The following ELP4 variants were observed in gnomAD, a reference collection of about 807,000 sequenced individuals.
ELP4 encodes the protein elongator complex protein 4.
In ELP4, 51 loss-of-function variants were observed where a neutral mutation model predicts 48.9. The observed-to-expected ratio is 1.04, with a 90% confidence interval of 0.83 to 1.32. The LOEUF is 1.32. Among genes scored for constraint, ELP4 ranks in the 40% most tolerant of loss-of-function variants. ELP4 has a pLI of 0.00. For synonymous variants in ELP4, 210 were observed against 189.2 expected, an observed-to-expected ratio of 1.11 and a Z score of -0.90; for missense variants, 519 against 514.6, an observed-to-expected ratio of 1.01 and a Z score of -0.08.
chr11:31,778,848 T>G (rs1262630853), intron 9 of ELP4, among the ~76,000 whole-genome samples: 1 of 152,126 alleles, frequency 6.6e-6, no homozygotes, highest in Non-Finnish European at 1.5e-5. Flanking sequence ...GTTTTTTGTT[T>G]TTGTTTGTTT....
intron 9 of ELP4, among the ~76,000 whole-genome samples, chr11:31,778,876 C>A (rs1948305831): frequency 6.6e-6 from 1 of 152,040 alleles, no homozygotes; most frequent in African/African-American, 2.4e-5. Context: ...GAGACAGTTA[C>A]TAAAGTTTTA....
chr11:31,650,022 G>A, intron 8 of ELP4, 93 bp from the exon 9 acceptor site: 1 of 527,288 alleles, frequency 1.9e-6, no homozygotes, highest in South Asian at 3.3e-5. Context: ...ATGCTTGTGT[G>A]TAAATTTACA....
In ELP4 at chr11:31,783,533, C is replaced by T. The variant is rs1266215540; in HGVS notation, c.*9C>T. ...AGCACCTGGACTTCTAGGGATTCCT[C>T]CTTAGTCGCTGCATGCAGAATTCTA... On this transcript the variant is annotated 3_prime_UTR_variant, in exon 10 of 10. Transcript: ENST00000640961. 1 of 1,612,318 alleles carries T rather than the reference C, an allele frequency of 6.2e-7. No individual in the cohort carries two copies. Among genetic ancestry groups the T allele is most frequent in the Non-Finnish European group, 8.5e-7 (1 of 1,179,202 alleles).
chr11:31,619,243 G>A (rs1944563434), intron 5 of ELP4, among the ~76,000 whole-genome samples: 1 of 151,916 alleles, frequency 6.6e-6, no homozygotes, highest in African/African-American at 2.4e-5. Flanking sequence ...ATATTTTATG[G>A]TATGAGGCCC....
Position 31,746,364 on chromosome 11 carries a change from T to C in ELP4, c.1144-37029T>C, listed in dbSNP as rs552356845. Among the ~76,000 whole-genome samples, 15 of 152,304 alleles carry C rather than the reference T, an allele frequency of 9.8e-5. No homozygotes were observed. The South Asian group carries it at 3.1e-3, about 32-fold the overall frequency. Reference sequence around the variant, plus strand: ...ACGGATCTAGAACTAGAAATACCATTTGACCCAGCCATCCCATTACTGGGT... The same window carrying C: ...ACGGATCTAGAACTAGAAATACCATCTGACCCAGCCATCCCATTACTGGGT... On this transcript the variant is annotated intron_variant, in intron 9 of 9. Transcript: ENST00000640961.
At chr11:31,565,532 T>C (rs1195658589) in intron 3 of ELP4, among the ~76,000 whole-genome samples, 1 of 147,536 alleles carries the variant, frequency 6.8e-6, no homozygotes, top group Non-Finnish European at 1.5e-5. Flanking sequence ...CTTTAATCCA[T>C]CTTGAATTAA....
intron 3 of ELP4, among the ~76,000 whole-genome samples, chr11:31,549,756 G>T (rs191293032): frequency 4.1e-4 from 63 of 152,290 alleles, no homozygotes; most frequent in Admixed American, 7.8e-4. Flanking sequence ...AACAATTATA[G>T]ACTGGATTAA....
chr11:31,675,340 C>G (rs559329090), intron 9 of ELP4, among the ~76,000 whole-genome samples: 2 of 152,014 alleles, frequency 1.3e-5, no homozygotes, highest in Non-Finnish European at 2.9e-5. Context: ...TCTCAGCTCA[C>G]TGCAACCTCC....
chr11:31,551,124 G>T (rs1035984171), intron 3 of ELP4, among the ~76,000 whole-genome samples: 25 of 152,298 alleles, frequency 1.6e-4, no homozygotes, highest in Non-Finnish European at 2.6e-4. Context: ...AGAGTGGAAA[G>T]TTTGCTCAAC....
intron 9 of ELP4, among the ~76,000 whole-genome samples, chr11:31,744,614 T>C (rs1390962881): frequency 6.6e-6 from 1 of 152,208 alleles, no homozygotes; most frequent in Non-Finnish European, 1.5e-5. Context: ...TAATTCTGCA[T>C]TTAAACAGAA....
At chr11:31,635,965 T>C (rs1412245322) in intron 7 of ELP4, among the ~76,000 whole-genome samples, 2 of 152,008 alleles carry the variant, frequency 1.3e-5, no homozygotes, top group African/African-American at 4.8e-5. Context: ...AGCATCACCA[T>C]GTTGTAACAA....
chr11:31,705,822 A>G (rs958846475), intron 9 of ELP4, among the ~76,000 whole-genome samples: 1 of 151,056 alleles, frequency 6.6e-6, no homozygotes, highest in Non-Finnish European at 1.5e-5. Context: ...ATATATTTCT[A>G]TACATACAAT....
chr11:31,543,948 T>C (rs1156228817), intron 3 of ELP4, among the ~76,000 whole-genome samples: 1 of 152,254 alleles, frequency 6.6e-6, no homozygotes, highest in East Asian at 1.9e-4. Flanking sequence ...CAGACTTGCA[T>C]TGTAAGAAAT....
intron 2 of ELP4, among the ~76,000 whole-genome samples, chr11:31,520,441 C>G (rs1470934000): frequency 6.6e-6 from 1 of 151,868 alleles, no homozygotes; most frequent in Non-Finnish European, 1.5e-5. Flanking sequence ...ATTGAAATAC[C>G]AAGTCCATCG....
At chr11:31,580,083 G>A (rs1957362642) in intron 3 of ELP4, among the ~76,000 whole-genome samples, 1 of 152,156 alleles carries the variant, frequency 6.6e-6, no homozygotes, top group Non-Finnish European at 1.5e-5. Flanking sequence ...AGGCTAGAGA[G>A]GTTGCTATTT....
chr11:31,745,244 T>C (rs1333944637), intron 9 of ELP4, among the ~76,000 whole-genome samples: 3 of 151,994 alleles, frequency 2.0e-5, no homozygotes, highest in Non-Finnish European at 4.4e-5. Context: ...TAAAAGAGGA[T>C]ACAAACAAAT....
chr11:31,598,503 C>CTTTTTTTTTTTTTTTTTTTTT (rs10702222), intron 4 of ELP4, among the ~76,000 whole-genome samples: 20 of 77,732 alleles, frequency 2.6e-4, no homozygotes, highest in Middle Eastern at 0.022. Flanking sequence ...TTTTCTTCTT[C>CTTTTTTTTTTTTTTTTTTTTT]TTTTTTTTTT....
chr11:31,670,103 A>G (rs1945777867), intron 9 of ELP4, among the ~76,000 whole-genome samples: 1 of 152,130 alleles, frequency 6.6e-6, no homozygotes, highest in Non-Finnish European at 1.5e-5. Context: ...TTGTTACTTG[A>G]TGCATTAAAA....
rs531336547 is a variant in ELP4 at position 31,562,966 on chromosome 11, T to C, written c.381+23183T>C. Reference sequence around the variant, plus strand: ...CTCAGGTTAGATATTTGTAGTACTTTTGTATTAAAATTATGGCAATGAATC... The same window carrying C: ...CTCAGGTTAGATATTTGTAGTACTTCTGTATTAAAATTATGGCAATGAATC... On this transcript the variant is annotated intron_variant, in intron 3 of 9. Coordinates refer to ENST00000640961, the MANE Select transcript of ELP4 (RefSeq NM_019040.5). 1.9e-4 allele frequency among the ~76,000 whole-genome samples: 29 copies of C among 152,250 alleles called. No homozygotes were observed. The South Asian group carries it at 5.4e-3, about 28-fold the overall frequency.
Sources: gnomAD v4.1 joint callset for allele counts (sites outside exome capture counted in the v4.1 genomes callset) on GRCh38, gnomAD v4.1.1 for gene constraint, MANE v1.5 for transcripts, NCBI Gene and HGNC (gene_info 2026-07-23, HGNC 2026-07-21) for gene names.